Variants in TRPM3 observed in about 807,000 individuals in gnomAD.
The protein encoded by TRPM3 is transient receptor potential cation channel subfamily M member 3, also known as long transient receptor potential channel 3.
Under a neutral mutation model 181.2 loss-of-function variants are expected in TRPM3, and 77 were observed. That is an observed-to-expected ratio of 0.42 (90% CI 0.35 to 0.51). TRPM3 has a LOEUF of 0.51. Among genes scored for constraint, TRPM3 ranks in the 20% least tolerant of loss-of-function variants. The pLI, the probability that TRPM3 is intolerant of heterozygous loss-of-function variation, is 0.01. For synonymous variants in TRPM3, 745 were observed against 796.4 expected (o/e 0.94, Z 1.09); for missense variants, 1,759 against 2,196.7 (o/e 0.80, Z 3.98).
At position 70,535,693 on chromosome 9, in the gene TRPM3, T is replaced by G; in HGVS notation, c.*260A>C. The G allele has an allele frequency of 7.0e-7, 1 of 1,435,136 alleles. No homozygotes were observed. Among genetic ancestry groups the G allele is most frequent in the Non-Finnish European group, 9.1e-7 (1 of 1,101,830 alleles). The allele number at this position is 1,435,136 out of a possible 1,614,324, so 88.9% of individuals were successfully genotyped here. ...GCGGATACACATTCATCTCTAACCCTTCCTTCTCCCTCTCTTCCCCCTCCC... is the reference window on the plus strand; with the variant it reads ...GCGGATACACATTCATCTCTAACCCGTCCTTCTCCCTCTCTTCCCCCTCCC... On this transcript the variant is annotated 3_prime_UTR_variant, in exon 26 of 26. Coordinates refer to ENST00000677713, the MANE Select transcript of TRPM3 (RefSeq NM_001366145.2).
intron 1 of TRPM3, among the ~76,000 whole-genome samples, chr9:71,214,116 T>C (rs1014548052): frequency 1.3e-5 from 2 of 152,190 alleles, no homozygotes; most frequent in African/African-American, 4.8e-5. Context: ...TGAGTAATTA[T>C]AGTCTTTGTT....
At chr9:70,676,193 T>C (rs7037430) in intron 9 of TRPM3, among the ~76,000 whole-genome samples, 1,886 of 152,334 alleles carry the variant, frequency 0.012, 43 homozygotes, top group African/African-American at 0.043. Flanking sequence ...GATGGACTTA[T>C]TTACCAGTGA....
intron 25 of TRPM3, 93 bp downstream of exon 25, chr9:70,549,449 G>T (rs548719738): frequency 4.8e-5 from 69 of 1,423,248 alleles, no homozygotes; most frequent in Non-Finnish European, 5.9e-5. Context: ...AAACACAAAA[G>T]ATCTCTGTTT....
chr9:70,906,605 C>G (rs2096467367), intron 1 of TRPM3, among the ~76,000 whole-genome samples: 1 of 151,822 alleles, frequency 6.6e-6, no homozygotes, highest in African/African-American at 2.4e-5. Context: ...TAAAAATGAT[C>G]TTTTAAAAAA....
chr9:71,170,638 G>A (rs2076802274), intron 1 of TRPM3, among the ~76,000 whole-genome samples: 1 of 152,118 alleles, frequency 6.6e-6, no homozygotes, highest in South Asian at 2.1e-4. Flanking sequence ...AACATAAATT[G>A]TAAAGATTTC....
intron 1 of TRPM3, among the ~76,000 whole-genome samples, chr9:70,894,307 A>G (rs2096252311): frequency 6.6e-6 from 1 of 152,212 alleles, no homozygotes; most frequent in Non-Finnish European, 1.5e-5. Context: ...CTAGGAGCAT[A>G]GTCAGGATTA....
rs77167959 is a variant in TRPM3 at position 71,428,520 on chromosome 9, T to C, written c.183+18133A>G. 1.9e-3 allele frequency among the ~76,000 whole-genome samples: 294 copies of C among 152,294 alleles called. 1 individual carries two copies. Among genetic ancestry groups the C allele is most frequent in the African/African-American group, 6.8e-3 (283 of 41,568 alleles). On this transcript the variant is annotated intron_variant, in intron 1 of 24. Transcript: ENST00000357533. The stretch of plus-strand genomic sequence containing the variant: ...GGATGAACAGTTTTACATTTCATCA[T>C]TGAGTTTCTTCAGAATTTCTGGACA...
chr9:70,871,054 C>A (rs759133041), intron 1 of TRPM3, among the ~76,000 whole-genome samples: 16 of 151,714 alleles, frequency 1.1e-4, no homozygotes, highest in Middle Eastern at 3.4e-3. Context: ...ATAGAGGGAT[C>A]AGTGGGGAAG....
chr9:71,260,756 C>G (rs1375999905), intron 1 of TRPM3, among the ~76,000 whole-genome samples: 1 of 152,164 alleles, frequency 6.6e-6, no homozygotes, highest in East Asian at 1.9e-4. Flanking sequence ...GCTGAAGTTG[C>G]TTATCAACTT....
intron 1 of TRPM3, among the ~76,000 whole-genome samples, chr9:71,368,747 T>C (rs1169147199): frequency 6.6e-6 from 1 of 152,204 alleles, no homozygotes; most frequent in Non-Finnish European, 1.5e-5. Context: ...AAAAAGCAAA[T>C]CTTTATGATC....
At chr9:70,585,920 T>A (rs1030393176) in intron 22 of TRPM3, among the ~76,000 whole-genome samples, 6 of 152,208 alleles carry the variant, frequency 3.9e-5, no homozygotes, top group African/African-American at 1.2e-4. Flanking sequence ...CTCAGACCCT[T>A]CCGTCCTACT....
At chr9:71,207,917 G>A (rs947787068) in intron 1 of TRPM3, among the ~76,000 whole-genome samples, 4 of 152,064 alleles carry the variant, frequency 2.6e-5, no homozygotes, top group African/African-American at 7.2e-5. Flanking sequence ...ATTATGCTGA[G>A]CTATTCTTTG....
chr9:71,039,451 T>G (rs1448592699), intron 1 of TRPM3, among the ~76,000 whole-genome samples: 2 of 152,124 alleles, frequency 1.3e-5, no homozygotes, highest in Non-Finnish European at 2.9e-5. Flanking sequence ...GAGCAATGGA[T>G]TTTTCAGAAA....
chr9:71,263,935 A>T (rs2083222098), intron 1 of TRPM3, among the ~76,000 whole-genome samples: 1 of 152,094 alleles, frequency 6.6e-6, no homozygotes. Context: ...GCATGCTACC[A>T]TGTCCAGCTA....
rs187046891 is a variant in TRPM3, at chr9:71,166,789, C to A, written c.183+279864G>T. ...CTGAAATACATTATATCTTTGATTA[C>A]GTAAAAGTAAATTTAGCTCTCTTAT... On this transcript the variant is annotated intron_variant, in intron 1 of 24. Transcript: ENST00000357533. 1.2e-4 allele frequency among the ~76,000 whole-genome samples: 18 copies of A among 152,106 alleles called. 1 individual carries two copies. In the Middle Eastern group the frequency reaches 0.01, roughly 86 times the overall value.
intron 1 of TRPM3, among the ~76,000 whole-genome samples, chr9:71,369,456 G>C (rs916781719): frequency 1.3e-5 from 2 of 152,146 alleles, no homozygotes; most frequent in Non-Finnish European, 2.9e-5. Context: ...CCTATATCTA[G>C]GTGTGTAGTA....
intron 1 of TRPM3, among the ~76,000 whole-genome samples, chr9:71,361,726 G>A (rs2092153274): frequency 6.6e-6 from 1 of 152,168 alleles, no homozygotes; most frequent in Non-Finnish European, 1.5e-5. Context: ...ATTGTCTCCA[G>A]TGCCTATGAA....
At chr9:70,909,888 T>C (rs562517602) in intron 1 of TRPM3, among the ~76,000 whole-genome samples, 1 of 152,230 alleles carries the variant, frequency 6.6e-6, no homozygotes, top group Admixed American at 6.5e-5. Flanking sequence ...TAGCTAAAAG[T>C]AAAAAGACTG....
At chr9:70,561,536 G>T (rs1235599618) in intron 22 of TRPM3, among the ~76,000 whole-genome samples, 1 of 152,140 alleles carries the variant, frequency 6.6e-6, no homozygotes, top group Non-Finnish European at 1.5e-5. Flanking sequence ...TAATGGACAA[G>T]AAGAGCAAAG....
Sources: allele counts gnomAD v4.1 joint callset (sites outside exome capture counted in the v4.1 genomes callset), GRCh38; gene constraint gnomAD v4.1.1; transcripts MANE v1.5; gene names NCBI Gene and HGNC (gene_info 2026-07-23, HGNC 2026-07-21).